Variants in SYNPO2L observed in about 807,000 individuals in gnomAD.
SYNPO2L encodes the protein synaptopodin 2-like protein.
A neutral mutation model predicts 47.5 loss-of-function variants in SYNPO2L; 34 were observed. The observed-to-expected ratio is 0.72, with a 90% CI of 0.54 to 0.95. SYNPO2L has a LOEUF of 0.95. Among genes scored for constraint, SYNPO2L ranks in the 40% least tolerant of loss-of-function variants. The pLI is 0.00. For synonymous variants in SYNPO2L, 536 were observed against 524.9 expected, an observed-to-expected ratio of 1.02 and a Z score of -0.29; for missense variants, 1,246 against 1,282.0, an observed-to-expected ratio of 0.97 and a Z score of 0.43.
intron 1 of SYNPO2L, 122 bp downstream of exon 1, chr10:73,655,690 GCCCACC>G: frequency 3.7e-6 from 1 of 271,702 alleles, no homozygotes; most frequent in Non-Finnish European, 7.4e-6. Context: ...ATACTTCCCT[GCCCACC>G]ACCCACCCCA....
In SYNPO2L at chr10:73,648,387, G is replaced by A; in HGVS notation, c.1265C>T (p.Pro422Leu). ...TGGGGGAGCACTCTGGGCCCGAGGT[G>A]GTGACTGCAGGCCTTCCCCGTTGAG... Reference protein sequence around the residue: ...AMLNGEGLQSPPRAQSAPPEA... With the variant: ...AMLNGEGLQSLPRAQSAPPEA... The change falls in exon 4 of 4, where the codon CCA becomes CTA. Residue 422 changes from proline (P) to leucine (L), a missense_variant. By Grantham distance (98) the Pro-to-Leu change is moderately conservative. This residue lies in a region of SYNPO2L where 1,037 missense variants were observed against 1,021.5 expected (regional missense o/e 1.02). Transcript: ENST00000394810. 1 of 1,607,210 alleles carries A rather than the reference G, an allele frequency of 6.2e-7. No individual in the cohort carries two copies. The highest frequency in any genetic ancestry group is 8.5e-7 in the Non-Finnish European group (1 of 1,179,700).
intron 2 of SYNPO2L, 66 bp from the exon 3 acceptor site, chr10:73,653,719 G>A: frequency 6.8e-7 from 1 of 1,461,854 alleles, no homozygotes; most frequent in Non-Finnish European, 9.1e-7. Context: ...AGATCTGGAA[G>A]GGATGGAGGG....
chr10:73,653,642 T>C lies in SYNPO2L; in HGVS notation c.269A>G (p.Glu90Gly). 6.5e-7 allele frequency: 1 copy of C among 1,543,312 alleles called. No individual in the cohort carries two copies. Among genetic ancestry groups the C allele is most frequent in the South Asian group, 1.2e-5 (1 of 83,434 alleles). The change falls in exon 3 of 4, where the codon GAG becomes GGG. Residue 90 changes from glutamate (E) to glycine (G), a missense_variant. Coordinates refer to ENST00000394810, the MANE Select transcript of SYNPO2L (RefSeq NM_001114133.3). ...GGGAGATGGAGATTGCACAGGACCC[T>C]CGTCTGCTAACCTGGATAGGAAAGA... ...LVLTVQRLAD[E>G]GPVQSPSPHE...
chr10:73,646,106 G>A lies in SYNPO2L; in HGVS notation c.*612C>T. ...CCCAAAGTGCTGGGATTACCGGCGT[G>A]AGCCACCGTGCCCGGCCTCAGATTG... On this transcript the variant is annotated 3_prime_UTR_variant, in exon 4 of 4. Coordinates refer to ENST00000394810, the MANE Select transcript of SYNPO2L (RefSeq NM_001114133.3). 1.0e-6 allele frequency: 1 copy of A among 985,690 alleles called. No homozygotes were observed. 61.1% of individuals were successfully genotyped at this position (985,690 alleles called of 1,614,324 possible). A position where few individuals can be genotyped will look rare whatever the true frequency, so the allele number is the denominator to read the frequency against.
In SYNPO2L at chr10:73,653,248, G is replaced by C; in HGVS notation, c.663C>G (p.Pro221=). 1 of 1,542,586 alleles carries C rather than the reference G, an allele frequency of 6.5e-7. No individual in the cohort carries two copies. Among genetic ancestry groups the C allele is most frequent in the South Asian group, 1.2e-5 (1 of 82,736 alleles). Residue 221 remains proline, a synonymous_variant, in exon 3 of 4, where the codon CCC becomes CCG. Coordinates refer to ENST00000394810, the MANE Select transcript of SYNPO2L (RefSeq NM_001114133.3). ...GAGGACCAGGTCGGAGGGGGCCATG[G>C]GGTAACAGCAGAGCCTCAGCTGGGG... The part of the protein sequence containing the change: ...QPPPAEALLL[P]HGPLRPGPHL...
chr10:73,649,038 G>T (rs2081814576), intron 3 of SYNPO2L, among the ~76,000 whole-genome samples, 159 bp from the exon 4 acceptor site: 1 of 152,218 alleles, frequency 6.6e-6, no homozygotes, highest in Non-Finnish European at 1.5e-5. Context: ...GGGCAGAGTG[G>T]AGGGTGAAAG....
At position 73,646,713 on chromosome 10, in the gene SYNPO2L, C is replaced by T. The variant is rs1216962456; in HGVS notation, c.*5G>A. 1.4e-6 allele frequency: 2 copies of T among 1,476,102 alleles called. No individual in the cohort carries two copies. Among genetic ancestry groups the T allele is most frequent in the South Asian group, 1.6e-5 (1 of 63,328 alleles). The allele number at this position is 1,476,102 out of a possible 1,614,324, so 91.4% of individuals were successfully genotyped here. ...CCTCTCCTTGGTCCTGGGACCTGTG[C>T]CTGTTCACTGGTGCCCTGCCCCAGG... is the stretch of plus-strand genomic sequence containing the variant. On this transcript the variant is annotated 3_prime_UTR_variant, in exon 4 of 4. Coordinates refer to ENST00000394810, the MANE Select transcript of SYNPO2L (RefSeq NM_001114133.3).
chr10:73,648,221 C>T lies in SYNPO2L; in HGVS notation c.1431G>A (p.Gly477=). The T allele has an allele frequency of 1.3e-6, 2 of 1,582,258 alleles. No individual in the cohort carries two copies. Among genetic ancestry groups the T allele is most frequent in the South Asian group, 1.1e-5 (1 of 89,436 alleles). ...SARPFTPGLQ[G]QRPTTTSVIF... ...TAACCGAGGTGGTAGTTGGCCGCTG[C>T]CCTTGTAGGCCCGGGGTAAAGGGCC... Residue 477 remains glycine (G), a synonymous_variant, in exon 4 of 4, where the codon GGG becomes GGA. Coordinates refer to ENST00000394810, the MANE Select transcript of SYNPO2L (RefSeq NM_001114133.3).
At position 73,647,795 on chromosome 10, in the gene SYNPO2L, G is replaced by T; in HGVS notation, c.1857C>A (p.Ala619=). 6.2e-7 allele frequency: 1 copy of T among 1,610,472 alleles called. No homozygotes were observed. Among genetic ancestry groups the T allele is most frequent in the South Asian group, 1.1e-5 (1 of 90,698 alleles). ...AREQRISVPA[A]RTGILQEARR... is the part of the protein sequence containing the mutation. Reference sequence around the variant, plus strand: ...GGGCCTCCTGCAGGATACCCGTGCGGGCAGCTGGCACAGAGATGCGCTGCT... The same window carrying T: ...GGGCCTCCTGCAGGATACCCGTGCGTGCAGCTGGCACAGAGATGCGCTGCT... The change falls in exon 4 of 4, where the codon GCC becomes GCA. Residue 619 remains alanine (A), a synonymous_variant. Coordinates refer to ENST00000394810, the MANE Select transcript of SYNPO2L (RefSeq NM_001114133.3).
In SYNPO2L at chr10:73,647,665, G is replaced by A. The variant is rs2081779863; in HGVS notation, c.1987C>T (p.Pro663Ser). 4 of 1,614,170 alleles carry A rather than the reference G, an allele frequency of 2.5e-6. No individual in the cohort carries two copies. The highest frequency in any genetic ancestry group is 3.4e-6 in the Non-Finnish European group (4 of 1,180,006). ...CCAGATTCTGCACCCCCGGCCCGAGGCTTTTCATCCAGGTTCTGTACCAGC... is the reference window on the plus strand; with the variant it reads ...CCAGATTCTGCACCCCCGGCCCGAGACTTTTCATCCAGGTTCTGTACCAGC... ...LSLVQNLDEK[P>S]RAGGAESGPE... The change falls in exon 4 of 4, where the codon CCT (proline) becomes TCT (serine). Residue 663 changes from proline to serine, a missense_variant. Physicochemically the swap from Pro to Ser is moderately conservative, Grantham distance 74. Around this residue, in one of 3 missense-constraint regions of SYNPO2L, gnomAD observed 1,037 missense variants for 1,021.5 expected, o/e 1.02. Transcript: ENST00000394810.
At position 73,652,832 on chromosome 10, in the gene SYNPO2L, T is replaced by C. The variant is rs532355231; in HGVS notation, c.772+307A>G. 9.2e-5 allele frequency among the ~76,000 whole-genome samples: 14 copies of C among 152,276 alleles called. No individual in the cohort carries two copies. In the South Asian group the frequency reaches 2.3e-3, roughly 25 times the overall value. ...GTGTCTGTACTCTGCTTTCACCCAATCATGACACACAATAACAATTATCAC... is the reference window on the plus strand; with the variant it reads ...GTGTCTGTACTCTGCTTTCACCCAACCATGACACACAATAACAATTATCAC... On this transcript the variant is annotated intron_variant, in intron 3 of 3. Transcript: ENST00000394810.
At chr10:73,655,780 C>G in intron 1 of SYNPO2L, 38 bp downstream of exon 1, 1 of 1,293,054 alleles carries the variant, frequency 7.7e-7, no homozygotes, top group Non-Finnish European at 1.0e-6. Flanking sequence ...CCTTGGGTTC[C>G]CTTTCCCTGA....
rs1054960897 is a variant in SYNPO2L, at chr10:73,648,751, G to A, written c.901C>T (p.Arg301Trp). Reference sequence around the variant, plus strand: ...GTGTACTTCTTGGCTCTCTGCCGCCGTTTCTTAAACATAAGTACCCCTTTG... The same window carrying A: ...GTGTACTTCTTGGCTCTCTGCCGCCATTTCTTAAACATAAGTACCCCTTTG... Reference protein sequence around the residue: ...HSKGVLMFKKRRQRAKKYTLV... With the variant: ...HSKGVLMFKKWRQRAKKYTLV... Residue 301 changes from arginine (R) to tryptophan (W), a missense_variant, in exon 4 of 4, where the codon CGG (arginine) becomes TGG (tryptophan). Arg to Trp is a moderately radical substitution (Grantham distance 101). Coordinates refer to ENST00000394810, the MANE Select transcript of SYNPO2L (RefSeq NM_001114133.3). 2 of 1,612,228 alleles carry A rather than the reference G, an allele frequency of 1.2e-6. No homozygotes were observed. Among genetic ancestry groups the A allele is most frequent in the Non-Finnish European group, 1.7e-6 (2 of 1,178,832 alleles).
rs986617068 is a variant in SYNPO2L, at chr10:73,653,975, T to C, written c.257+154A>G. ...TAATTGCAGATACATTCAAGCCCTC[T>C]GGGAGGCAGACACAAACCATCTGCA... On this transcript the variant is annotated intron_variant, in intron 2 of 3. Transcript: ENST00000394810. 7 of 1,033,622 alleles carry C rather than the reference T, an allele frequency of 6.8e-6. No individual in the cohort carries two copies. The African/African-American group carries it at 8.2e-5, about 12-fold the overall frequency. The allele number at this position is 1,033,622 out of a possible 1,614,324, so 64.0% of individuals were successfully genotyped here.
Position 73,645,461 on chromosome 10 carries a change from T to G in SYNPO2L, c.*1257A>C. 1 of 993,356 alleles carries G rather than the reference T, an allele frequency of 1.0e-6. No individual in the cohort carries two copies. Among genetic ancestry groups the G allele is most frequent in the Non-Finnish European group, 1.2e-6 (1 of 835,792 alleles). 61.5% of individuals were successfully genotyped at this position (993,356 alleles called of 1,614,324 possible). ...CACTCTGGCTCTCTTCTCCTTTCTC[T>G]CAAGCTCATGAGGCAATGAAGCCAA... On this transcript the variant is annotated 3_prime_UTR_variant, in exon 4 of 4. Transcript: ENST00000394810.
Position 73,648,320 on chromosome 10 carries a change from T to C in SYNPO2L, c.1332A>G (p.Val444=). The C allele has an allele frequency of 1.2e-6, 2 of 1,604,688 alleles. No homozygotes were observed. The highest frequency in any genetic ancestry group is 1.7e-6 in the Non-Finnish European group (2 of 1,179,244). ...CTGGTTGGAAGGGTCTGGGGCTGGC[T>C]ACAGGCGCCGGCAAGGGGCTGGGTG... ...VLPPSPLPAP[V]ASPRPFQPGG... is the part of the protein sequence containing the mutation. Residue 444 remains valine, a synonymous_variant, in exon 4 of 4, where the codon GTA becomes GTG. Transcript: ENST00000394810.
chr10:73,649,789 G>A (rs1468584572), intron 3 of SYNPO2L: 1 of 985,194 alleles, frequency 1.0e-6, no homozygotes, highest in Non-Finnish European at 1.2e-6. Flanking sequence ...AGTCCTCTGG[G>A]CTTCACACCC....
In SYNPO2L at chr10:73,647,467, G is replaced by C; in HGVS notation, c.2185C>G (p.Pro729Ala). The C allele has an allele frequency of 3.1e-6, 5 of 1,598,042 alleles. No homozygotes were observed. The highest frequency in any genetic ancestry group is 4.3e-6 in the Non-Finnish European group (5 of 1,170,066). Reference sequence around the variant, plus strand: ...CCATCAAGGAGCCCTCGAGATGGGGGCTTAGGAGCCACTGGGGGTGGAGTC... The same window carrying C: ...CCATCAAGGAGCCCTCGAGATGGGGCCTTAGGAGCCACTGGGGGTGGAGTC... Reference protein sequence around the residue: ...PKTPPPVAPKPPSRGLLDGLV... With the variant: ...PKTPPPVAPKAPSRGLLDGLV... Residue 729 changes from proline (P) to alanine (A), a missense_variant, in exon 4 of 4, where the codon CCC (proline) becomes GCC (alanine). By Grantham distance (27) the Pro-to-Ala change is conservative (BLOSUM62 -1). Coordinates refer to ENST00000394810, the MANE Select transcript of SYNPO2L (RefSeq NM_001114133.3).
At position 73,647,888 on chromosome 10, in the gene SYNPO2L, C is replaced by T. The variant is rs1456303946; in HGVS notation, c.1764G>A (p.Leu588=). Residue 588 remains leucine, a synonymous_variant, in exon 4 of 4, where the codon TTG becomes TTA. Transcript: ENST00000394810. ...STASIFLSAP[L]RPSARPEAPA... ...GCGCCTCTGGGCGCGCAGAGGGTCGCAAAGGCGCAGATAGGAAGATAGAAG... is the reference window on the plus strand; with the variant it reads ...GCGCCTCTGGGCGCGCAGAGGGTCGTAAAGGCGCAGATAGGAAGATAGAAG... The T allele has an allele frequency of 6.5e-7, 1 of 1,531,962 alleles. No individual in the cohort carries two copies. Among genetic ancestry groups the T allele is most frequent in the Admixed American group, 2.2e-5 (1 of 45,782 alleles). 94.9% of individuals were successfully genotyped at this position (1,531,962 alleles called of 1,614,324 possible). A position where few individuals can be genotyped will look rare whatever the true frequency, so the allele number is the denominator to read the frequency against.
Sources: allele counts gnomAD v4.1 joint callset (sites outside exome capture counted in the v4.1 genomes callset), GRCh38; gene constraint gnomAD v4.1.1; regional missense constraint gnomAD v4.1.1; transcripts MANE v1.5; gene names NCBI Gene and HGNC (gene_info 2026-07-23, HGNC 2026-07-21).